Variants in BASP1 observed in about 807,000 individuals in gnomAD.
BASP1 encodes the protein brain abundant membrane attached signal protein 1.
In BASP1, 1 loss-of-function variant was observed where a neutral mutation model predicts 2.2. That is an observed-to-expected ratio of 0.46 (90% confidence interval 0.16 to 2.17). The LOEUF (loss-of-function observed/expected upper bound fraction) is 2.17. Ranked by LOEUF, BASP1 falls within the 30% of genes most tolerant of loss-of-function variation. BASP1 has a pLI of 0.27. For missense variants in BASP1, 352 were observed against 327.2 expected, an observed-to-expected ratio of 1.08 and a Z score of -0.58; for synonymous variants, 187 against 154.2, an observed-to-expected ratio of 1.21 and a Z score of -1.58.
intron 1 of BASP1, among the ~76,000 whole-genome samples, chr5:17,272,122 G>A (rs768163487): frequency 6.6e-6 from 1 of 151,492 alleles, no homozygotes; most frequent in Non-Finnish European, 1.5e-5. Flanking sequence ...TCATTAAACT[G>A]TATGCTCATT....
intron 1 of BASP1, among the ~76,000 whole-genome samples, chr5:17,250,423 A>AT (rs1410011115): frequency 2.6e-5 from 4 of 152,092 alleles, no homozygotes; most frequent in Non-Finnish European, 5.9e-5. Context: ...GTTACTATTT[A>AT]TTTTTTACAG....
At chr5:17,247,306 G>T (rs375489953) in intron 1 of BASP1, among the ~76,000 whole-genome samples, 7 of 152,216 alleles carry the variant, frequency 4.6e-5, no homozygotes, top group African/African-American at 1.7e-4. Context: ...AACATGTAAA[G>T]TATAGGCCAC....
chr5:17,223,051 A>T (rs1264350381), intron 1 of BASP1, among the ~76,000 whole-genome samples: 2 of 151,306 alleles, frequency 1.3e-5, no homozygotes, highest in African/African-American at 4.9e-5. Context: ...GTTTTGAAGG[A>T]GGCAGGACTG....
Position 17,275,821 on chromosome 5 carries a change from C to G in BASP1, c.605C>G (p.Pro202Arg), listed in dbSNP as rs764889875. 1.2e-6 allele frequency: 2 copies of G among 1,611,928 alleles called. No individual in the cohort carries two copies. The highest frequency in any genetic ancestry group is 1.3e-5 in the African/African-American group (1 of 74,804). The stretch of plus-strand genomic sequence containing the variant: ...AGTTCCACACCCAAGGCCCAGGGCC[C>G]CGCAGCCTCTGCAGAAGAGCCCAAG... The part of the protein sequence containing the change: ...APSSTPKAQG[P>R]AASAEEPKPV... Residue 202 changes from proline (P) to arginine (R), a missense_variant, in exon 2 of 2, where the codon CCC becomes CGC. Pro to Arg is a moderately radical substitution (Grantham distance 103). Coordinates refer to ENST00000322611, the MANE Select transcript of BASP1 (RefSeq NM_006317.5). This position sits in a 1 kb window ranked among gnomAD's most constrained non-coding sequence, Gnocchi z 5.3.
At chr5:17,256,503 G>A (rs1740213804) in intron 1 of BASP1, among the ~76,000 whole-genome samples, 1 of 152,144 alleles carries the variant, frequency 6.6e-6, no homozygotes, top group African/African-American at 2.4e-5. Context: ...CTAGTTGTGT[G>A]TATACATTAT....
intron 1 of BASP1, among the ~76,000 whole-genome samples, chr5:17,269,552 G>A (rs73052815): frequency 0.045 from 6,923 of 152,184 alleles, 513 homozygotes; most frequent in African/African-American, 0.16. Flanking sequence ...TCTCTTCACC[G>A]AAAAGCAGAA....
Position 17,260,487 on chromosome 5 carries a change from G to A in BASP1, c.-9-14721G>A, listed in dbSNP as rs989989645. Among the ~76,000 whole-genome samples, 3 of 152,160 alleles carry A rather than the reference G, an allele frequency of 2.0e-5. No individual in the cohort carries two copies. On this transcript the variant is annotated intron_variant, in intron 1 of 1. Coordinates refer to ENST00000322611, the MANE Select transcript of BASP1 (RefSeq NM_006317.5). The surrounding 1 kb of genome is among the most constrained non-coding windows in gnomAD (Gnocchi z 4.2). ...TTTCTGCATTCTGGTCTTTAATTATGTGCTGAGTCCCGGTGGCAGAGAGTT... is the reference window on the plus strand; with the variant it reads ...TTTCTGCATTCTGGTCTTTAATTATATGCTGAGTCCCGGTGGCAGAGAGTT...
At chr5:17,273,149 A>G (rs952043143) in intron 1 of BASP1, among the ~76,000 whole-genome samples, 1 of 152,238 alleles carries the variant, frequency 6.6e-6, no homozygotes, top group Non-Finnish European at 1.5e-5. Context: ...TATTTGGTAT[A>G]GGCCATTCGT....
intron 1 of BASP1, among the ~76,000 whole-genome samples, chr5:17,227,142 G>T: frequency 6.6e-6 from 1 of 151,672 alleles, no homozygotes; most frequent in Non-Finnish European, 1.5e-5. Context: ...TGTTGGTCAG[G>T]CTGGTCTTGA....
intron 1 of BASP1, among the ~76,000 whole-genome samples, chr5:17,229,662 C>T (rs1300291993): frequency 6.6e-6 from 1 of 152,180 alleles, no homozygotes; most frequent in Non-Finnish European, 1.5e-5. Context: ...GGCACCAATG[C>T]TCTCCTCCTG....
chr5:17,217,963 T>C (rs1739297727), intron 1 of BASP1, among the ~76,000 whole-genome samples, 153 bp downstream of exon 1: 1 of 151,634 alleles, frequency 6.6e-6, no homozygotes, highest in Non-Finnish European at 1.5e-5. Flanking sequence ...GGGCCTGGGG[T>C]CCCTCTGTGA....
chr5:17,244,901 G>A (rs1739945533), intron 1 of BASP1, among the ~76,000 whole-genome samples: 1 of 150,648 alleles, frequency 6.6e-6, no homozygotes, highest in Non-Finnish European at 1.5e-5. Flanking sequence ...ATGTTGGCCA[G>A]GCTGGTCTCA....
chr5:17,225,769 G>T (rs971465531), intron 1 of BASP1, among the ~76,000 whole-genome samples: 2 of 152,156 alleles, frequency 1.3e-5, no homozygotes, highest in Non-Finnish European at 2.9e-5. Flanking sequence ...CTTTTATGCC[G>T]ATTTCTAGCG....
intron 1 of BASP1, among the ~76,000 whole-genome samples, chr5:17,228,115 T>G (rs1739553673): frequency 6.6e-6 from 1 of 152,246 alleles, no homozygotes; most frequent in Admixed American, 6.5e-5. Flanking sequence ...ATGGAAAGTC[T>G]CATTGAAGGT....
chr5:17,221,301 CAATGCCTACTAAATAAA>C (rs1561162608), intron 1 of BASP1, among the ~76,000 whole-genome samples: 1 of 150,972 alleles, frequency 6.6e-6, no homozygotes, highest in Non-Finnish European at 1.5e-5. Flanking sequence ...CTGGAATAAA[CAATGCCTACTAAATAAA>C]AGATTTATAA....
chr5:17,250,173 C>T (rs1162351039), intron 1 of BASP1, among the ~76,000 whole-genome samples: 1 of 152,190 alleles, frequency 6.6e-6, no homozygotes, highest in Non-Finnish European at 1.5e-5. Flanking sequence ...TCTCAAACTC[C>T]TGACCTCAAG....
chr5:17,266,093 G>C (rs1439039546), intron 1 of BASP1, among the ~76,000 whole-genome samples: 1 of 152,172 alleles, frequency 6.6e-6, no homozygotes, highest in African/African-American at 2.4e-5. Flanking sequence ...TAACCCGTTG[G>C]GCTTCCCGAT....
chr5:17,264,938 A>G (rs1242261118), intron 1 of BASP1, among the ~76,000 whole-genome samples: 1 of 152,220 alleles, frequency 6.6e-6, no homozygotes, highest in Non-Finnish European at 1.5e-5. Flanking sequence ...TAATGCAGGG[A>G]AAGAAGATAT....
intron 1 of BASP1, among the ~76,000 whole-genome samples, chr5:17,258,827 G>T (rs953408658): frequency 9.2e-5 from 14 of 152,180 alleles, no homozygotes; most frequent in African/African-American, 3.1e-4. Flanking sequence ...GGTAGCTAAA[G>T]GGCTCAAATT....
Sources: gnomAD v4.1 joint callset for allele counts (sites outside exome capture counted in the v4.1 genomes callset) on GRCh38, gnomAD v4.1.1 for gene constraint, Gnocchi (gnomAD v3.1) non-coding constraint, MANE v1.5 for transcripts, NCBI Gene and HGNC (gene_info 2026-07-23, HGNC 2026-07-21) for gene names.